ZNF678: variants seen among roughly 807,000 people sequenced by gnomAD.
ZNF678 encodes the protein hypothetical protein MGC42493.
A neutral mutation model predicts 3.0 loss-of-function variants in ZNF678; 5 were observed. That is an observed-to-expected ratio of 1.69 (90% confidence interval 0.88 to 3.56). The LOEUF is 3.56. ZNF678 is among the 30% of genes most tolerant of loss of function. The pLI, the probability that ZNF678 is intolerant of heterozygous loss-of-function variation, is 0.00. For synonymous variants in ZNF678, 218 were observed against 199.6 expected (o/e 1.09, Z -0.78); for missense variants, 593 against 605.0 (o/e 0.98, Z 0.21).
At position 227,563,618 on chromosome 1, in the gene ZNF678, G is replaced by T. The variant is rs977271197; in HGVS notation, c.-270G>T. 5 of 1,188,262 alleles carry T rather than the reference G, an allele frequency of 4.2e-6. No homozygotes were observed. Among genetic ancestry groups the T allele is most frequent in the Non-Finnish European group, 5.7e-6 (5 of 881,602 alleles). 73.6% of individuals were successfully genotyped at this position (1,188,262 alleles called of 1,614,324 possible). On this transcript the variant is annotated 5_prime_UTR_variant, in exon 1 of 4. Coordinates refer to ENST00000343776, the MANE Select transcript of ZNF678 (RefSeq NM_001367909.1). ...TTCTCGGCTATTTATCCCCAGCTGC[G>T]GGAGGCCCTGGTGACTCTGCTGCTG...
At chr1:227,647,255 C>CT (rs2102797634) in intron 2 of ZNF678, among the ~76,000 whole-genome samples, 1 of 152,244 alleles carries the variant, frequency 6.6e-6, no homozygotes, top group Non-Finnish European at 1.5e-5. Context: ...AAAACTCCGT[C>CT]TCAACAAACA....
Position 227,654,960 on chromosome 1 carries a change from A to G in ZNF678, c.710A>G (p.Tyr237Cys), listed in dbSNP as rs1659189511. 3.7e-6 allele frequency: 6 copies of G among 1,612,542 alleles called. No individual in the cohort carries two copies. Among genetic ancestry groups the G allele is most frequent in the South Asian group, 1.1e-5 (1 of 91,030 alleles). ...AGAATTCATACTGGAGAGAAACCCT[A>G]CAAATGCAAAGAATGTTGCAAAGCC... is the stretch of plus-strand genomic sequence containing the variant. Reference protein sequence around the residue: ...HKRIHTGEKPYKCKECCKAFN... With the variant: ...HKRIHTGEKPCKCKECCKAFN... The change falls in exon 4 of 4, where the codon TAC (tyrosine) becomes TGC (cysteine). Residue 237 changes from tyrosine to cysteine, a missense_variant. Physicochemically the swap from Tyr to Cys is radical, Grantham distance 194. Coordinates refer to ENST00000343776, the MANE Select transcript of ZNF678 (RefSeq NM_001367909.1).
At chr1:227,598,489 TTTTC>T in intron 1 of ZNF678, 2 of 1,383,870 alleles carry the variant, frequency 1.4e-6, no homozygotes, top group Non-Finnish European at 1.9e-6. Flanking sequence ...TTATGCTTCT[TTTTC>T]TTTTTTTGTT....
In ZNF678 at chr1:227,660,749, GT is replaced by G. The variant is rs941084401; in HGVS notation, c.*4922del. 17 of 152,242 alleles carry G rather than the reference GT, an allele frequency of 1.1e-4. No individual in the cohort carries two copies. Among genetic ancestry groups the G allele is most frequent in the African/African-American group, 3.1e-4 (13 of 41,542 alleles). 9.4% of individuals were successfully genotyped at this position (152,242 alleles called of 1,614,324 possible). ...AAATTCAGTAGCATGTTAAATAAGA[GT>G]GATGAAGTTAGATATATTTGCCTTA... On this transcript the variant is annotated 3_prime_UTR_variant, in exon 4 of 4. Coordinates refer to ENST00000343776, the MANE Select transcript of ZNF678 (RefSeq NM_001367909.1).
At chr1:227,633,713 C>G (rs951277627) in intron 1 of ZNF678, among the ~76,000 whole-genome samples, 3 of 152,188 alleles carry the variant, frequency 2.0e-5, no homozygotes, top group African/African-American at 7.2e-5. Context: ...TCCCATTAGT[C>G]AGAACTTGAG....
At chr1:227,593,081 G>T (rs1296598323) in intron 1 of ZNF678, among the ~76,000 whole-genome samples, 2 of 152,246 alleles carry the variant, frequency 1.3e-5, no homozygotes, top group Non-Finnish European at 2.9e-5. Flanking sequence ...CCCGCAGGGT[G>T]CCGGACTTCA....
Position 227,660,670 on chromosome 1 carries a change from CT to C in ZNF678, c.*4845del, listed in dbSNP as rs1659382281. 3 of 152,038 alleles carry C rather than the reference CT, an allele frequency of 2.0e-5. No homozygotes were observed. The allele number at this position is 152,038 out of a possible 1,614,324, so 9.4% of individuals were successfully genotyped here. A position where few individuals can be genotyped will look rare whatever the true frequency, so the allele number is the denominator to read the frequency against. ...ATCTGCAAACAGGGACAATTATTTT[CT>C]TTCTTTCCAATTTGGTTGTCTTTGG... On this transcript the variant is annotated 3_prime_UTR_variant, in exon 4 of 4. Coordinates refer to ENST00000343776, the MANE Select transcript of ZNF678 (RefSeq NM_001367909.1).
chr1:227,679,354 C>G (rs901822627), downstream of ZNF678, among the ~76,000 whole-genome samples: 5 of 152,162 alleles, frequency 3.3e-5, no homozygotes, highest in African/African-American at 1.2e-4. Context: ...AGGCAGACAG[C>G]CCAGCGCTGT....
At chr1:227,573,699 G>C (rs888115769) in intron 1 of ZNF678, among the ~76,000 whole-genome samples, 2 of 95,056 alleles carry the variant, frequency 2.1e-5, no homozygotes, top group Admixed American at 8.6e-5. Flanking sequence ...AAGTTCAGGG[G>C]TACATGTGCA....
At chr1:227,670,726 T>C (rs2102820485) in intron 5 of ZNF678, among the ~76,000 whole-genome samples, 1 of 152,328 alleles carries the variant, frequency 6.6e-6, no homozygotes, top group Non-Finnish European at 1.5e-5. Context: ...ACCCCTCACC[T>C]AGAACTTTTC....
chr1:227,625,224 A>G (rs1658380202), intron 1 of ZNF678, among the ~76,000 whole-genome samples: 1 of 152,116 alleles, frequency 6.6e-6, no homozygotes, highest in Non-Finnish European at 1.5e-5. Flanking sequence ...CTCCCTAGCT[A>G]GGCTTAGGAA....
intron 1 of ZNF678, among the ~76,000 whole-genome samples, chr1:227,631,508 G>A (rs1398946285): frequency 2.0e-5 from 3 of 152,206 alleles, no homozygotes; most frequent in Admixed American, 6.5e-5. Flanking sequence ...ATGCAAATTC[G>A]TTTCAGAGAG....
At chr1:227,588,496 G>GT (rs919193311) in intron 1 of ZNF678, among the ~76,000 whole-genome samples, 24 of 69,174 alleles carry the variant, frequency 3.5e-4, no homozygotes, top group African/African-American at 1.8e-3. Flanking sequence ...AGCATCTGTT[G>GT]TTTTTTTTAC....
rs76178246 is a variant in ZNF678 at position 227,645,285 on chromosome 1, A to G, written c.-163-1259A>G. ...TCCAGATAATCTCATCTGAACAGAA[A>G]TCAGAAAAAGAGGAAGAAATGGCTG... On this transcript the variant is annotated intron_variant, in intron 1 of 3. Transcript: ENST00000343776. 4.8e-3 allele frequency among the ~76,000 whole-genome samples: 738 copies of G among 152,310 alleles called. 8 individuals are homozygous for G. The highest frequency in any genetic ancestry group is 0.017 in the African/African-American group (708 of 41,568).
chr1:227,585,548 G>T (rs557446807), intron 1 of ZNF678, among the ~76,000 whole-genome samples: 1 of 152,198 alleles, frequency 6.6e-6, no homozygotes, highest in Admixed American at 6.5e-5. Context: ...GCTGAGGTGG[G>T]CAGATCACGA....
intron 1 of ZNF678, among the ~76,000 whole-genome samples, chr1:227,570,189 T>C (rs1259134474): frequency 6.6e-6 from 1 of 152,240 alleles, no homozygotes; most frequent in Non-Finnish European, 1.5e-5. Context: ...TGGATGAGTG[T>C]GGCTCCCACT....
At chr1:227,619,514 A>AT (rs998782888) in intron 1 of ZNF678, among the ~76,000 whole-genome samples, 62 of 149,240 alleles carry the variant, frequency 4.2e-4, no homozygotes, top group African/African-American at 1.2e-3. Context: ...TGAGGTTGCA[A>AT]TTTTTTTTTT....
rs1047792945 is a variant in ZNF678, at chr1:227,660,509, T to C, written c.*4681T>C. 40 of 152,124 alleles carry C rather than the reference T, an allele frequency of 2.6e-4. No homozygotes were observed. Among genetic ancestry groups the C allele is most frequent in the African/African-American group, 9.6e-4 (40 of 41,452 alleles). 9.4% of individuals were successfully genotyped at this position (152,124 alleles called of 1,614,324 possible). On this transcript the variant is annotated 3_prime_UTR_variant, in exon 4 of 4. Transcript: ENST00000343776. ...TAACTATTGCAGGTGTCAATTGTTTTCTTTATTTCTTTTTCAGATAGTTTG... is the reference window on the plus strand; with the variant it reads ...TAACTATTGCAGGTGTCAATTGTTTCCTTTATTTCTTTTTCAGATAGTTTG...
At chr1:227,668,584 G>A (rs1659547345) in intron 5 of ZNF678, among the ~76,000 whole-genome samples, 1 of 152,188 alleles carries the variant, frequency 6.6e-6, no homozygotes, top group African/African-American at 2.4e-5. Context: ...TTTATTCTGA[G>A]TTGGGCATGA....
Sources: gnomAD v4.1 joint callset for allele counts (sites outside exome capture counted in the v4.1 genomes callset) on GRCh38, gnomAD v4.1.1 for gene constraint, MANE v1.5 for transcripts, NCBI Gene and HGNC (gene_info 2026-07-23, HGNC 2026-07-21) for gene names.